CAST: variants seen among roughly 807,000 people sequenced by gnomAD.
CAST encodes the protein calpastatin, also known as MIR583 host.
A neutral mutation model predicts 119.6 loss-of-function variants in CAST; 76 were observed. The observed-to-expected ratio is 0.64, with a 90% CI of 0.53 to 0.77. The LOEUF is 0.77. CAST is among the 30% of genes least tolerant of loss of function. The pLI, the probability that CAST is intolerant of heterozygous loss-of-function variation, is 0.00. For missense variants in CAST, 953 were observed against 946.5 expected (o/e 1.01, Z -0.09); for synonymous variants, 319 against 331.6 (o/e 0.96, Z 0.41).
the CAST span, among the ~76,000 whole-genome samples, chr5:96,207,210 A>G: frequency 1.3e-5 from 2 of 152,058 alleles, no homozygotes; most frequent in South Asian, 2.1e-4. Context: ...GGCAGAGACT[A>G]TAGGGTTTTC....
At chr5:96,386,882 T>C in the CAST span, among the ~76,000 whole-genome samples, 1 of 152,070 alleles carries the variant, frequency 6.6e-6, no homozygotes, top group Non-Finnish European at 1.5e-5. Flanking sequence ...GGAGAATCAG[T>C]TGAACCCAGG....
At chr5:96,682,241 A>G (rs1751511672) in intron 2 of CAST, among the ~76,000 whole-genome samples, 1 of 152,018 alleles carries the variant, frequency 6.6e-6, no homozygotes, top group African/African-American at 2.4e-5. Flanking sequence ...CTGCCTCACA[A>G]TTTTCTTTTG....
chr5:96,598,533 G>C (rs549385306), intron 1 of CAST, among the ~76,000 whole-genome samples: 1 of 152,292 alleles, frequency 6.6e-6, no homozygotes, highest in East Asian at 1.9e-4. Context: ...TGTGGCCTCT[G>C]AGTTGGGTGA....
At chr5:96,769,614 T>C (rs2150776194) in intron 29 of CAST, 1 of 152,162 alleles carries the variant, frequency 6.6e-6, no homozygotes, top group South Asian at 2.1e-4. Context: ...AAAATCTACT[T>C]AGTTAACAAA....
chr5:96,426,018 A>T, the CAST span: 3 of 767,708 alleles, frequency 3.9e-6, no homozygotes, highest in African/African-American at 5.1e-5. Flanking sequence ...CCTTCCCATC[A>T]GAGTTCAGGC....
chr5:96,402,152 A>G, the CAST span, among the ~76,000 whole-genome samples: 1 of 152,128 alleles, frequency 6.6e-6, no homozygotes, highest in African/African-American at 2.4e-5. Context: ...ATCCCCTGTG[A>G]CAAGAAAGAG....
chr5:96,725,919 T>C (rs1179381860), intron 4 of CAST, among the ~76,000 whole-genome samples: 1 of 152,224 alleles, frequency 6.6e-6, no homozygotes, highest in Non-Finnish European at 1.5e-5. Flanking sequence ...AACATTTCAA[T>C]CATAAGCTTT....
the CAST span, among the ~76,000 whole-genome samples, chr5:96,490,973 C>T: frequency 2.0e-5 from 3 of 152,052 alleles, no homozygotes; most frequent in Non-Finnish European, 4.4e-5. Context: ...ATTTGCAACA[C>T]AAATGTCTGA....
At chr5:96,469,865 G>GTGTATATATATATAT in the CAST span, among the ~76,000 whole-genome samples, 740 of 129,270 alleles carry the variant, frequency 5.7e-3, 8 homozygotes, top group Admixed American at 7.9e-3. Context: ...ATATGTGTGT[G>GTGTATATATATATAT]TATATATATA....
the CAST span, among the ~76,000 whole-genome samples, chr5:96,033,715 A>T: frequency 6.6e-6 from 1 of 152,176 alleles, no homozygotes; most frequent in African/African-American, 2.4e-5. Flanking sequence ...AATAGAGTTG[A>T]AAAAGCTCCA....
At chr5:95,969,445 C>T in the CAST span, among the ~76,000 whole-genome samples, 1 of 151,940 alleles carries the variant, frequency 6.6e-6, no homozygotes, top group Non-Finnish European at 1.5e-5. Context: ...GGAAAGTAAG[C>T]GGGGAGACCA....
intron 31 of CAST, 70 bp downstream of exon 31, chr5:96,771,772 G>C (rs1013476181): frequency 2.1e-5 from 20 of 931,662 alleles, no homozygotes; most frequent in Non-Finnish European, 1.7e-6. Flanking sequence ...ATAGATGAGA[G>C]AAGTGAAGTC....
the CAST span, chr5:96,397,385 G>A: frequency 1.2e-6 from 2 of 1,611,504 alleles, no homozygotes; most frequent in East Asian, 2.2e-5. Flanking sequence ...CTCTCCCCAT[G>A]TGTGAACAGA....
chr5:96,330,970 C>T, the CAST span, among the ~76,000 whole-genome samples: 2 of 152,050 alleles, frequency 1.3e-5, no homozygotes, highest in African/African-American at 4.8e-5. Context: ...TGCATATCTG[C>T]TGGGATTTTC....
chr5:96,157,500 G>A, the CAST span, among the ~76,000 whole-genome samples: 1 of 152,232 alleles, frequency 6.6e-6, no homozygotes, highest in Non-Finnish European at 1.5e-5. Context: ...AAGGTGTGGT[G>A]TCCTTACTAT....
the CAST span, among the ~76,000 whole-genome samples, chr5:96,404,594 T>C: frequency 2.6e-5 from 4 of 152,204 alleles, no homozygotes; most frequent in African/African-American, 9.6e-5. Context: ...AAGAAACTCA[T>C]AAATGCATGT....
the CAST span, among the ~76,000 whole-genome samples, chr5:96,002,909 T>A: frequency 6.6e-6 from 1 of 152,222 alleles, no homozygotes; most frequent in Non-Finnish European, 1.5e-5. Context: ...TACTACCTTT[T>A]CACTGAGTTG....
intron 20 of CAST, among the ~76,000 whole-genome samples, 177 bp downstream of exon 20, chr5:96,750,859 A>T (rs1764901907): frequency 1.3e-5 from 2 of 152,168 alleles, no homozygotes; most frequent in East Asian, 3.8e-4. Context: ...AGAAATTCAG[A>T]CTAAGATTTA....
chr5:96,759,761 CAACTA>C (rs1767294451), intron 24 of CAST, among the ~76,000 whole-genome samples: 2 of 151,748 alleles, frequency 1.3e-5, no homozygotes, highest in South Asian at 4.1e-4. Flanking sequence ...ATATAGAGAT[CAACTA>C]AATTATTGGT....
Sources: allele counts gnomAD v4.1 joint callset (sites outside exome capture counted in the v4.1 genomes callset), GRCh38; gene constraint gnomAD v4.1.1; transcripts MANE v1.5; gene names NCBI Gene and HGNC (gene_info 2026-07-23, HGNC 2026-07-21).